ST6GALNAC5: variants seen among roughly 807,000 people sequenced by gnomAD.
The protein encoded by ST6GALNAC5 is ST6 N-acetylgalactosaminide alpha-2,6-sialyltransferase 5.
In ST6GALNAC5, 27 loss-of-function variants were observed where a neutral mutation model predicts 33.6. The observed-to-expected ratio is 0.80, with a 90% CI of 0.59 to 1.11. ST6GALNAC5 has a LOEUF of 1.11. ST6GALNAC5 is among the 50% of genes least tolerant of loss of function. The pLI, the probability that ST6GALNAC5 is intolerant of heterozygous loss-of-function variation, is 0.00. For missense variants in ST6GALNAC5, 428 were observed against 454.0 expected, an observed-to-expected ratio of 0.94 and a Z score of 0.52; for synonymous variants, 194 against 171.2, an observed-to-expected ratio of 1.13 and a Z score of -1.04.
At chr1:76,920,960 A>C (rs74092227) in intron 2 of ST6GALNAC5, among the ~76,000 whole-genome samples, 3,525 of 152,274 alleles carry the variant, frequency 0.023, 145 homozygotes, top group African/African-American at 0.081. Flanking sequence ...GAGAATAGGA[A>C]ATAGCCATAA....
chr1:76,883,332 T>TATCTTGG (rs1275886507), intron 2 of ST6GALNAC5, among the ~76,000 whole-genome samples: 1 of 152,232 alleles, frequency 6.6e-6, no homozygotes, highest in African/African-American at 2.4e-5. Flanking sequence ...GAACATAACT[T>TATCTTGG]ATCTTGGTAT....
In ST6GALNAC5 at chr1:76,867,649, G is replaced by A. The variant is rs1653371030; in HGVS notation, c.-27G>A. 1 of 1,614,110 alleles carries A rather than the reference G, an allele frequency of 6.2e-7. No homozygotes were observed. Among genetic ancestry groups the A allele is most frequent in the East Asian group, 2.2e-5 (1 of 44,838 alleles). ...AGTGGCCCCGGACGCGCGAGCCTGA[G>A]GATTCTGCACAAAAGAGGTGCCCAA... On this transcript the variant is annotated 5_prime_UTR_variant, in exon 1 of 5. Transcript: ENST00000477717.
At chr1:76,903,017 G>A (rs991844006) in intron 2 of ST6GALNAC5, among the ~76,000 whole-genome samples, 1 of 151,974 alleles carries the variant, frequency 6.6e-6, no homozygotes, top group African/African-American at 2.4e-5. Context: ...CCCAAAACAT[G>A]AGCAACAACA....
intron 2 of ST6GALNAC5, among the ~76,000 whole-genome samples, chr1:77,029,209 A>AC (rs1651360343): frequency 6.6e-6 from 1 of 152,228 alleles, no homozygotes; most frequent in East Asian, 1.9e-4. Flanking sequence ...CACTTAGTAC[A>AC]ATAAGTGGAA....
chr1:76,992,793 AAAT>A, intron 2 of ST6GALNAC5, among the ~76,000 whole-genome samples: 1 of 152,276 alleles, frequency 6.6e-6, no homozygotes, highest in East Asian at 1.9e-4. Flanking sequence ...CTGAGCCCAT[AAAT>A]AATAATAAGA....
chr1:76,914,281 A>G (rs1646945253), intron 2 of ST6GALNAC5, among the ~76,000 whole-genome samples: 1 of 152,174 alleles, frequency 6.6e-6, no homozygotes. Context: ...TAATTTACAG[A>G]TTCAATGCCA....
At chr1:77,008,777 G>A (rs370774704) in intron 2 of ST6GALNAC5, among the ~76,000 whole-genome samples, 21 of 152,078 alleles carry the variant, frequency 1.4e-4, no homozygotes, top group Admixed American at 2.6e-4. Flanking sequence ...TGATCCACCC[G>A]CCTCAGCCTA....
At chr1:77,052,380 C>A (rs1273374949) in intron 4 of ST6GALNAC5, among the ~76,000 whole-genome samples, 1 of 152,102 alleles carries the variant, frequency 6.6e-6, no homozygotes, top group Admixed American at 6.5e-5. Context: ...CACCAGGCAT[C>A]CAGTTTCGAC....
Position 76,986,778 on chromosome 1 carries a change from A to G in ST6GALNAC5, c.262-57426A>G, listed in dbSNP as rs747075510. On this transcript the variant is annotated intron_variant, in intron 2 of 4. Transcript: ENST00000477717. ...GAACCAATCCAAATGTCCATCAGTG[A>G]TAGACTAGATTAAGAAAATGTGGCA... is the stretch of plus-strand genomic sequence containing the variant. 8.1e-4 allele frequency among the ~76,000 whole-genome samples: 123 copies of G among 152,316 alleles called. 1 individual carries two copies. Among genetic ancestry groups the G allele is most frequent in the Non-Finnish European group, 1.4e-3 (98 of 68,032 alleles).
chr1:76,987,945 G>T lies in ST6GALNAC5; in HGVS notation c.262-56259G>T, dbSNP rs148140444. Among the ~76,000 whole-genome samples, 885 of 152,176 alleles carry T rather than the reference G, an allele frequency of 5.8e-3. 21 individuals are homozygous for T. The highest frequency in any genetic ancestry group is 0.04 in the Admixed American group (605 of 15,260). On this transcript the variant is annotated intron_variant, in intron 2 of 4. Coordinates refer to ENST00000477717, the MANE Select transcript of ST6GALNAC5 (RefSeq NM_030965.3). ...TAGTAAAGCCAAGGAAGTTTTCTTC[G>T]ATTAGTCCCTCAAATATGTTTTCCA... is the stretch of plus-strand genomic sequence containing the variant.
intron 2 of ST6GALNAC5, among the ~76,000 whole-genome samples, chr1:76,894,972 A>G (rs1557712732): frequency 6.6e-6 from 1 of 152,014 alleles, no homozygotes; most frequent in Non-Finnish European, 1.5e-5. Flanking sequence ...GGAAAATTAT[A>G]GTCAAAGGGG....
At chr1:77,056,730 T>C (rs1276602479) in intron 4 of ST6GALNAC5, among the ~76,000 whole-genome samples, 1 of 152,158 alleles carries the variant, frequency 6.6e-6, no homozygotes, top group Non-Finnish European at 1.5e-5. Context: ...ACTTAAAATA[T>C]ATGGTTGTGT....
chr1:76,972,791 T>C (rs567442979), intron 2 of ST6GALNAC5, among the ~76,000 whole-genome samples: 2 of 152,310 alleles, frequency 1.3e-5, no homozygotes, highest in East Asian at 1.9e-4. Context: ...CCATCATCAA[T>C]AATTGAGTCT....
intron 2 of ST6GALNAC5, among the ~76,000 whole-genome samples, chr1:76,898,638 T>C (rs927498601): frequency 1.3e-5 from 2 of 152,088 alleles, no homozygotes; most frequent in Non-Finnish European, 2.9e-5. Context: ...CGCTACTGAT[T>C]TGGGAGAGGT....
intron 2 of ST6GALNAC5, among the ~76,000 whole-genome samples, chr1:76,975,158 T>C (rs1003365019): frequency 7.9e-5 from 12 of 152,176 alleles, no homozygotes; most frequent in Non-Finnish European, 1.2e-4. Context: ...TTAATATCCT[T>C]TTCTTATGAG....
At chr1:77,057,389 A>G (rs1652437160) in intron 4 of ST6GALNAC5, among the ~76,000 whole-genome samples, 1 of 152,250 alleles carries the variant, frequency 6.6e-6, no homozygotes, top group Non-Finnish European at 1.5e-5. Context: ...TATTTAATAT[A>G]AATTTTACGT....
At chr1:76,920,205 G>T (rs1647016344) in intron 2 of ST6GALNAC5, among the ~76,000 whole-genome samples, 1 of 152,156 alleles carries the variant, frequency 6.6e-6, no homozygotes, top group African/African-American at 2.4e-5. Context: ...GCTCTACATA[G>T]CTGGGCTTTT....
intron 2 of ST6GALNAC5, among the ~76,000 whole-genome samples, chr1:76,992,458 A>G (rs901900163): frequency 1.3e-5 from 2 of 151,434 alleles, no homozygotes; most frequent in Non-Finnish European, 2.9e-5. Context: ...ACTGCAGCCA[A>G]TTACCTTTCT....
intron 2 of ST6GALNAC5, among the ~76,000 whole-genome samples, chr1:76,981,267 A>T (rs1188080003): frequency 6.6e-6 from 1 of 152,142 alleles, no homozygotes; most frequent in African/African-American, 2.4e-5. Context: ...TACCTGGAAA[A>T]ATGGGGCACT....
Sources: gnomAD v4.1 joint callset for allele counts (sites outside exome capture counted in the v4.1 genomes callset) on GRCh38, gnomAD v4.1.1 for gene constraint, MANE v1.5 for transcripts, NCBI Gene and HGNC (gene_info 2026-07-23, HGNC 2026-07-21) for gene names.